ATAD1: variants seen among roughly 807,000 people sequenced by gnomAD.
ATAD1 encodes ATPase family AAA domain containing 1.
Under a neutral mutation model 42.7 loss-of-function variants are expected in ATAD1, and 18 were observed. The observed-to-expected ratio is 0.42, with a 90% CI of 0.29 to 0.63. ATAD1 has a LOEUF of 0.63. Ranked by LOEUF, ATAD1 falls within the 20% of genes least tolerant of loss-of-function variation. ATAD1 has a pLI of 0.19. For synonymous variants in ATAD1, 132 were observed against 143.1 expected (o/e 0.92, Z 0.55); for missense variants, 294 against 440.4 (o/e 0.67, Z 2.98).
Position 87,756,804 on chromosome 10 carries a change from G to C in ATAD1, c.950C>G (p.Ser317Cys). 1.2e-6 allele frequency: 2 copies of C among 1,603,704 alleles called. No individual in the cohort carries two copies. The highest frequency in any genetic ancestry group is 2.3e-5 in the South Asian group (2 of 88,418). Residue 317 changes from serine (S) to cysteine (C), a missense_variant, in exon 9 of 10, where the codon TCT becomes TGT. Coordinates refer to ENST00000680024, the MANE Select transcript of ATAD1 (RefSeq NM_001321967.2). Reference protein sequence around the residue: ...ALLCVREYVNSTSEESHDEDE... With the variant: ...ALLCVREYVNCTSEESHDEDE... ...AATAACATACCTTTCTTCTGATGTA[G>C]AATTAACATATTCTCTAACACAGAG...
rs533069872 is a variant in ATAD1, at chr10:87,771,150, C to T, written c.691-109G>A. 3 of 697,246 alleles carry T rather than the reference C, an allele frequency of 4.3e-6. No individual in the cohort carries two copies. In the Admixed American group the frequency reaches 9.2e-5, roughly 21 times the overall value. 43.2% of individuals were successfully genotyped at this position (697,246 alleles called of 1,614,324 possible). A position where few individuals can be genotyped will look rare whatever the true frequency, so the allele number is the denominator to read the frequency against. On this transcript the variant is annotated intron_variant, in intron 6 of 9. Transcript: ENST00000680024. ...AATTAAGTGGTATTTTAACTAAATC[C>T]TTTGTAAGAAATCTGATTTTAAATC...
chr10:87,811,215 C>A lies in ATAD1; in HGVS notation c.162+3223G>T, dbSNP rs371753433. On this transcript the variant is annotated intron_variant, in intron 2 of 9. Transcript: ENST00000680024. Reference sequence around the variant, plus strand: ...ACGTGTGGTTGCACACTTCTGTAATCCCAGCTACTCCGGAGGCTGAGGCAG... The same window carrying A: ...ACGTGTGGTTGCACACTTCTGTAATACCAGCTACTCCGGAGGCTGAGGCAG... 2.0e-5 allele frequency among the ~76,000 whole-genome samples: 3 copies of A among 152,188 alleles called. No homozygotes were observed. The East Asian group carries it at 5.8e-4, about 29-fold the overall frequency.
At chr10:87,801,514 GAAACTCCTATAATTCT>G (rs1856693915) in intron 2 of ATAD1, among the ~76,000 whole-genome samples, 1 of 80,504 alleles carries the variant, frequency 1.2e-5, no homozygotes, top group Non-Finnish European at 2.6e-5. Context: ...AAAATTATGA[GAAACTCCTATAATTCT>G]GATATGACTT....
chr10:87,791,857 A>T (rs1190585226), intron 3 of ATAD1, among the ~76,000 whole-genome samples: 2 of 152,192 alleles, frequency 1.3e-5, no homozygotes, highest in Non-Finnish European at 2.9e-5. Flanking sequence ...TTATCTCTAG[A>T]TTATACATGA....
chr10:87,811,525 T>C (rs2132050392), intron 2 of ATAD1, among the ~76,000 whole-genome samples: 1 of 152,278 alleles, frequency 6.6e-6, no homozygotes, highest in South Asian at 2.1e-4. Context: ...CCAATTATGC[T>C]GCATTACACC....
At chr10:87,829,201 G>A (rs1045247761) in intron 1 of ATAD1, among the ~76,000 whole-genome samples, 2 of 151,664 alleles carry the variant, frequency 1.3e-5, no homozygotes, top group Non-Finnish European at 2.9e-5. Context: ...ACAGTAAATT[G>A]AGAAACTTCT....
intron 1 of ATAD1, among the ~76,000 whole-genome samples, chr10:87,839,417 C>T (rs191907457): frequency 2.9e-4 from 44 of 152,196 alleles, no homozygotes; most frequent in Admixed American, 1.8e-3. Context: ...CTATAAGAAA[C>T]GAGGATCGTA....
Position 87,792,573 on chromosome 10 carries a change from C to T in ATAD1, c.261+84G>A, listed in dbSNP as rs1199929763. 9 of 975,082 alleles carry T rather than the reference C, an allele frequency of 9.2e-6. No individual in the cohort carries two copies. In the East Asian group the frequency reaches 1.2e-4, roughly 13 times the overall value. The allele number at this position is 975,082 out of a possible 1,614,324, so 60.4% of individuals were successfully genotyped here. A position where few individuals can be genotyped will look rare whatever the true frequency, so the allele number is the denominator to read the frequency against. On this transcript the variant is annotated intron_variant, in intron 3 of 9. Transcript: ENST00000680024. ...AGCCTAGAGAATCAAAGAACCCGGCCGTGATCTTTAAGACCCCTGACACAA... is the reference window on the plus strand; with the variant it reads ...AGCCTAGAGAATCAAAGAACCCGGCTGTGATCTTTAAGACCCCTGACACAA...
At chr10:87,826,334 T>C (rs1857729404) in intron 1 of ATAD1, among the ~76,000 whole-genome samples, 1 of 152,256 alleles carries the variant, frequency 6.6e-6, no homozygotes, top group Non-Finnish European at 1.5e-5. Context: ...GCTTATTCAG[T>C]TGAAATATCA....
chr10:87,766,766 G>A (rs1185617189), intron 8 of ATAD1, among the ~76,000 whole-genome samples: 5 of 151,604 alleles, frequency 3.3e-5, no homozygotes, highest in African/African-American at 1.2e-4. Flanking sequence ...AGCCGAGATC[G>A]TGCCACTGCA....
At chr10:87,798,991 A>C (rs939105199) in intron 2 of ATAD1, among the ~76,000 whole-genome samples, 3 of 152,204 alleles carry the variant, frequency 2.0e-5, no homozygotes, top group Non-Finnish European at 4.4e-5. Flanking sequence ...GAAAATATAT[A>C]AAAGAGCTCT....
chr10:87,776,745 C>T (rs1461741085), intron 5 of ATAD1, among the ~76,000 whole-genome samples: 1 of 152,088 alleles, frequency 6.6e-6, no homozygotes, highest in East Asian at 1.9e-4. Context: ...GCTGGGATTA[C>T]AGGCATGAGC....
chr10:87,786,527 C>T (rs1037154881), intron 4 of ATAD1, among the ~76,000 whole-genome samples: 5 of 152,156 alleles, frequency 3.3e-5, no homozygotes, highest in African/African-American at 1.2e-4. Flanking sequence ...CCTAAAGATT[C>T]AATATGCAAA....
At chr10:87,838,939 A>G (rs547645486) in intron 1 of ATAD1, among the ~76,000 whole-genome samples, 2 of 152,360 alleles carry the variant, frequency 1.3e-5, no homozygotes, top group Non-Finnish European at 2.9e-5. Context: ...CACCTTGAGC[A>G]GACAAATACA....
At chr10:87,801,590 A>G (rs1856697591) in intron 2 of ATAD1, among the ~76,000 whole-genome samples, 1 of 150,540 alleles carries the variant, frequency 6.6e-6, no homozygotes, top group African/African-American at 2.5e-5. Flanking sequence ...TATAATTCTG[A>G]TATGACTTAA....
intron 2 of ATAD1, among the ~76,000 whole-genome samples, chr10:87,811,658 A>G (rs1267361794): frequency 6.6e-6 from 1 of 152,212 alleles, no homozygotes; most frequent in Non-Finnish European, 1.5e-5. Context: ...GAGATGGGGA[A>G]TAATTTGGGA....
chr10:87,838,647 G>T lies in ATAD1; in HGVS notation c.-14+2540C>A, dbSNP rs779738990. On this transcript the variant is annotated intron_variant, in intron 1 of 4. Coordinates refer to the ATAD1 transcript ENST00000495903. Reference sequence around the variant, plus strand: ...TATTTAGCAATGAGGCCTTTGAGAGGTAATTAGGATTAGATGAGGTCATGA... The same window carrying T: ...TATTTAGCAATGAGGCCTTTGAGAGTTAATTAGGATTAGATGAGGTCATGA... Among the ~76,000 whole-genome samples, 18 of 151,884 alleles carry T rather than the reference G, an allele frequency of 1.2e-4. 1 individual carries two copies. The highest frequency in any genetic ancestry group is 6.6e-5 in the Admixed American group (1 of 15,234).
upstream of ATAD1, chr10:87,818,278 G>T (rs546887866): frequency 3.1e-5 from 31 of 985,146 alleles, no homozygotes; most frequent in East Asian, 3.2e-3. Context: ...CCCTCCCACG[G>T]AGCATGCGCG....
At chr10:87,813,486 C>A (rs1157339529) in intron 2 of ATAD1, among the ~76,000 whole-genome samples, 6 of 151,788 alleles carry the variant, frequency 4.0e-5, no homozygotes, top group Non-Finnish European at 8.8e-5. Flanking sequence ...CTCCAAAGTG[C>A]CTTTCAGATA....
Sources: gnomAD v4.1 joint callset for allele counts (sites outside exome capture counted in the v4.1 genomes callset) on GRCh38, gnomAD v4.1.1 for gene constraint, MANE v1.5 for transcripts, NCBI Gene and HGNC (gene_info 2026-07-23, HGNC 2026-07-21) for gene names.